The following PCDHA5 variants were observed in gnomAD, a reference collection of about 807,000 sequenced individuals.
PCDHA5 encodes protocadherin alpha-5.
Under a neutral mutation model 61.6 loss-of-function variants are expected in PCDHA5, and 43 were observed. The ratio of observed to expected loss-of-function variants is 0.70; its 90% confidence interval spans 0.55 to 0.90. The LOEUF is 0.90. Among genes scored for constraint, PCDHA5 ranks in the 40% least tolerant of loss-of-function variants. PCDHA5 has a pLI of 0.00. For missense variants in PCDHA5, 1,298 were observed against 1,222.7 expected (o/e 1.06, Z -0.92); for synonymous variants, 627 against 543.9 (o/e 1.15, Z -2.13).
chr5:140,969,921 G>A (rs1417032241), intron 1 of PCDHA5, among the ~76,000 whole-genome samples: 2 of 152,198 alleles, frequency 1.3e-5, no homozygotes, highest in African/African-American at 2.4e-5. Flanking sequence ...TAAAGCTGTA[G>A]TATTTAGACA....
intron 1 of PCDHA5, chr5:140,850,151 G>A (rs1554143863): frequency 3.1e-6 from 5 of 1,595,466 alleles, no homozygotes; most frequent in Admixed American, 1.7e-5. Flanking sequence ...TGACGCTGCA[G>A]GTGTTCGTGC....
At chr5:140,862,185 A>G (rs561305480) in intron 1 of PCDHA5, 1 of 166,788 alleles carries the variant, frequency 6.0e-6, no homozygotes, top group South Asian at 1.6e-4. Flanking sequence ...TGACACAGGC[A>G]ATTCCCCAAT....
intron 1 of PCDHA5, among the ~76,000 whole-genome samples, chr5:140,960,639 C>T (rs1184483884): frequency 5.9e-5 from 9 of 152,058 alleles, no homozygotes; most frequent in Admixed American, 5.9e-4. Flanking sequence ...ATTTTTAAAA[C>T]CCCTATCCAA....
chr5:140,837,762 A>G (rs1775250265), intron 1 of PCDHA5, among the ~76,000 whole-genome samples: 2 of 151,650 alleles, frequency 1.3e-5, no homozygotes, highest in Non-Finnish European at 2.9e-5. Context: ...CTGCAACCTG[A>G]AAGTCCTGGG....
chr5:140,905,851 A>G (rs1345912722), intron 1 of PCDHA5, among the ~76,000 whole-genome samples: 1 of 152,204 alleles, frequency 6.6e-6, no homozygotes, highest in Non-Finnish European at 1.5e-5. Context: ...ATTAAGGAGT[A>G]TTAACTCACA....
intron 1 of PCDHA5, chr5:140,841,625 T>C (rs1425270500): frequency 1.9e-6 from 3 of 1,614,028 alleles, no homozygotes; most frequent in African/African-American, 1.3e-5. Flanking sequence ...GAGCGCGGAG[T>C]GCAGCATCCA....
chr5:140,999,885 G>A (rs1250861955), intron 3 of PCDHA5, among the ~76,000 whole-genome samples: 1 of 152,200 alleles, frequency 6.6e-6, no homozygotes, highest in Non-Finnish European at 1.5e-5. Context: ...TAGCCCAGCT[G>A]TAGCTTGGGA....
intron 1 of PCDHA5, among the ~76,000 whole-genome samples, chr5:140,962,168 C>A (rs1207333516): frequency 1.3e-5 from 2 of 152,152 alleles, no homozygotes; most frequent in African/African-American, 4.8e-5. Flanking sequence ...AGCCACCACA[C>A]CCGGCCACTT....
At chr5:140,830,546 A>G (rs2150187698) in intron 1 of PCDHA5, 3 of 1,142,724 alleles carry the variant, frequency 2.6e-6, no homozygotes, top group Non-Finnish European at 3.5e-6. Flanking sequence ...TGTTTTCCTC[A>G]TATTTGTCTT....
At chr5:140,838,675 C>A (rs1006431084) in intron 1 of PCDHA5, among the ~76,000 whole-genome samples, 8 of 152,016 alleles carry the variant, frequency 5.3e-5, no homozygotes, top group Admixed American at 1.3e-4. Flanking sequence ...GTGGCACACA[C>A]CTTTAACCCC....
At chr5:140,876,141 AG>A in intron 1 of PCDHA5, 1 of 1,613,984 alleles carries the variant, frequency 6.2e-7, no homozygotes, top group Non-Finnish European at 8.5e-7. Context: ...CAGAACTAAC[AG>A]GGTCTGTCCA....
rs1181136155 is a variant in PCDHA5, at chr5:140,966,778, G to C, written c.2353-12171G>C. Reference sequence around the variant, plus strand: ...CGCGGCCAGTGGCTATGGAGCAGGCGGGCACCAGACCTGCGGCGACAGAGC... The same window carrying C: ...CGCGGCCAGTGGCTATGGAGCAGGCCGGCACCAGACCTGCGGCGACAGAGC... On this transcript the variant is annotated intron_variant, in intron 1 of 3. Transcript: ENST00000529859. The C allele has an allele frequency of 4.0e-6, 6 of 1,512,380 alleles. No homozygotes were observed. The African/African-American group carries it at 8.3e-5, about 21-fold the overall frequency. The allele number at this position is 1,512,380 out of a possible 1,614,324, so 93.7% of individuals were successfully genotyped here. A position where few individuals can be genotyped will look rare whatever the true frequency, so the allele number is the denominator to read the frequency against.
Position 141,010,090 on chromosome 5 carries a change from C to A in PCDHA5, c.*153C>A. On this transcript the variant is annotated 3_prime_UTR_variant, in exon 4 of 4. Transcript: ENST00000529859. ...AAGTTCCCTGTGTCTGTCTAGAACG[C>A]ATTTAACAGGTTTTGTCGTAAAAGC... 1 of 1,612,636 alleles carries A rather than the reference C, an allele frequency of 6.2e-7. No homozygotes were observed. Among genetic ancestry groups the A allele is most frequent in the Non-Finnish European group, 8.5e-7 (1 of 1,179,276 alleles).
At chr5:140,824,494 T>C (rs1768139235) in intron 1 of PCDHA5, 2 of 339,832 alleles carry the variant, frequency 5.9e-6, no homozygotes, top group South Asian at 3.6e-5. Flanking sequence ...AGACCCTTTG[T>C]TGCTTAGTCT....
chr5:140,836,493 A>T (rs1554136006), intron 1 of PCDHA5: 4 of 1,613,732 alleles, frequency 2.5e-6, no homozygotes, highest in Admixed American at 1.7e-5. Context: ...GATCATCGCC[A>T]TCTGCGCGGT....
At chr5:140,836,475 G>C in intron 1 of PCDHA5, 1 of 1,613,846 alleles carries the variant, frequency 6.2e-7, no homozygotes, top group Non-Finnish European at 8.5e-7. Context: ...GGATGTCAAC[G>C]TGTACCTGAT....
Position 140,870,628 on chromosome 5 carries a change from G to A in PCDHA5, c.2352+46501G>A. The A allele has an allele frequency of 4.3e-6, 7 of 1,613,050 alleles. No individual in the cohort carries two copies. The highest frequency in any genetic ancestry group is 5.9e-6 in the Non-Finnish European group (7 of 1,179,794). Reference sequence around the variant, plus strand: ...CCGCGCGCTGTCGAGCTACGTGTCGGTGCACGCGGAGAGCGGCAAGGTGTA... The same window carrying A: ...CCGCGCGCTGTCGAGCTACGTGTCGATGCACGCGGAGAGCGGCAAGGTGTA... On this transcript the variant is annotated intron_variant, in intron 1 of 3. Transcript: ENST00000529859.
At chr5:140,890,830 A>G (rs903756043) in intron 1 of PCDHA5, among the ~76,000 whole-genome samples, 1 of 152,182 alleles carries the variant, frequency 6.6e-6, no homozygotes, top group Non-Finnish European at 1.5e-5. Context: ...GTACTTACAT[A>G]TTTACCAGTT....
chr5:140,870,805 C>T, intron 1 of PCDHA5: 4 of 1,613,712 alleles, frequency 2.5e-6, no homozygotes, highest in Non-Finnish European at 3.4e-6. Flanking sequence ...GCTGGCGACT[C>T]AGGCTGGCAG....
Sources: gnomAD v4.1 joint callset for allele counts (sites outside exome capture counted in the v4.1 genomes callset) on GRCh38, gnomAD v4.1.1 for gene constraint, MANE v1.5 for transcripts, NCBI Gene and HGNC (gene_info 2026-07-23, HGNC 2026-07-21) for gene names.